Variants in MEG3 observed in about 807,000 individuals in gnomAD.
The protein encoded by MEG3 is maternally expressed 3.
upstream of MEG3, chr14:100,856,073 C>A (rs1189781129): frequency 1.3e-5 from 2 of 152,166 alleles, no homozygotes; most frequent in African/African-American, 4.8e-5. Flanking sequence ...CCATTCCTGC[C>A]CCTTTCAAGA....
At chr14:100,847,961 G>C (rs935537194) in intron 3 of MEG3, 1 of 152,190 alleles carries the variant, frequency 6.6e-6, no homozygotes, top group Non-Finnish European at 1.5e-5. Flanking sequence ...AGGAAGTAAT[G>C]AGTGAGACGT....
At chr14:100,832,117 A>AAG (rs2037412947), downstream of MEG3, 1 of 151,916 alleles carries the variant, frequency 6.6e-6, no homozygotes, top group Non-Finnish European at 1.5e-5. Flanking sequence ...TTAAAGACAA[A>AAG]AAAAAAGTAG....
At chr14:100,855,476 AG>A (rs2038211823), upstream of MEG3, 2 of 152,216 alleles carry the variant, frequency 1.3e-5, no homozygotes, top group Non-Finnish European at 2.9e-5. Context: ...ACTGTGACCC[AG>A]GGTCGGGGTC....
In MEG3 at chr14:100,852,125, C is replaced by T. The variant is rs574599457; in HGVS notation, n.3121+6592C>T. 2,120 of 333,468 alleles carry T rather than the reference C, an allele frequency of 6.4e-3. 15 individuals are homozygous for T. Among genetic ancestry groups the T allele is most frequent in the South Asian group, 0.01 (464 of 45,148 alleles). 20.7% of individuals were successfully genotyped at this position (333,468 alleles called of 1,614,324 possible). A position where few individuals can be genotyped will look rare whatever the true frequency, so the allele number is the denominator to read the frequency against. On this transcript the variant is annotated intron_variant and non_coding_transcript_variant, in intron 3 of 3. Coordinates refer to the MEG3 transcript ENST00000398461. ...GGGCCAGGCCATCTGGAGTGGGAGG[C>T]GTCATGCTCAGAGTGACTCTGTAGA...
intron 2 of MEG3, among the ~76,000 whole-genome samples, chr14:100,842,100 C>T (rs895254074): frequency 6.6e-6 from 1 of 152,178 alleles, no homozygotes. Context: ...ACAAAACCTC[C>T]GGCTGGGCCT....
chr14:100,853,599 G>C (rs1363736173), upstream of MEG3: 6 of 144,000 alleles, frequency 4.2e-5, no homozygotes, highest in Non-Finnish European at 7.6e-5. Context: ...TTTGTATCCT[G>C]CCTCTTCTAT....
At chr14:100,842,321 A>C (rs570432213) in intron 2 of MEG3, among the ~76,000 whole-genome samples, 1 of 152,218 alleles carries the variant, frequency 6.6e-6, no homozygotes, top group East Asian at 1.9e-4. Flanking sequence ...CTCCTGAAGC[A>C]AAGAGGTGAA....
exon 1 of MEG3, chr14:100,860,294 T>G: frequency 4.5e-6 from 1 of 223,924 alleles, no homozygotes. Context: ...AGAGACCGAG[T>G]TTTAGGAAAA....
downstream of MEG3, chr14:100,831,054 T>G (rs1378829209): frequency 6.5e-6 from 1 of 152,782 alleles, no homozygotes; most frequent in Admixed American, 6.5e-5. Flanking sequence ...CAGGCCCCAG[T>G]GAGATTCGAG....
At chr14:100,854,600 C>A (rs770393295), upstream of MEG3, 1 of 152,282 alleles carries the variant, frequency 6.6e-6, no homozygotes, top group Non-Finnish European at 1.5e-5. Flanking sequence ...TTGTGGACTC[C>A]GATCTTGCCC....
At chr14:100,842,491 C>T (rs992386793) in intron 2 of MEG3, among the ~76,000 whole-genome samples, 15 of 152,158 alleles carry the variant, frequency 9.9e-5, no homozygotes, top group African/African-American at 3.6e-4. Context: ...GGGCCCCGGC[C>T]TCACAAAGGT....
chr14:100,836,329 G>C (rs1345625958), intron 2 of MEG3: 2 of 455,584 alleles, frequency 4.4e-6, no homozygotes, highest in Admixed American at 4.7e-5. Context: ...TGAGACCCAG[G>C]ATTTTATTAG....
chr14:100,855,609 G>A (rs1051797367), upstream of MEG3: 3 of 152,266 alleles, frequency 2.0e-5, no homozygotes, highest in African/African-American at 4.8e-5. Context: ...TTCCTCCACA[G>A]GGTGGCAGTG....
In MEG3 at chr14:100,835,032, C is replaced by T. The variant is rs1046127243; in HGVS notation, n.2064C>T. 3.4e-5 allele frequency: 12 copies of T among 350,192 alleles called. No homozygotes were observed. In the Admixed American group the frequency reaches 3.7e-4, roughly 11 times the overall value. 21.7% of individuals were successfully genotyped at this position (350,192 alleles called of 1,614,324 possible). ...GCCCATCCCTTGATGGCCTCTGTGT[C>T]CCCAGGAGGGCGGGCCGGGGGGTTG... On this transcript the variant is annotated non_coding_transcript_exon_variant, in exon 1 of 4. Transcript: ENST00000398461.
chr14:100,846,394 C>T (rs912081407), intron 3 of MEG3: 1 of 152,154 alleles, frequency 6.6e-6, no homozygotes, highest in African/African-American at 2.4e-5. Flanking sequence ...GACGCGAGCC[C>T]CAGAAGGATC....
At chr14:100,829,250 C>T (rs1310514832), downstream of MEG3, 1 of 152,246 alleles carries the variant, frequency 6.6e-6, no homozygotes, top group Non-Finnish European at 1.5e-5. Context: ...GAGTACTTTC[C>T]TATAAGTCTT....
At chr14:100,831,257 T>C (rs2037388940), downstream of MEG3, 1 of 153,128 alleles carries the variant, frequency 6.5e-6, no homozygotes, top group African/African-American at 2.4e-5. Context: ...ATTGAACCCC[T>C]GTTCCCTGAG....
rs774402466 is a variant in MEG3 at position 100,845,871 on chromosome 14, C to T, written n.3121+338C>T. The T allele has an allele frequency of 9.6e-5, 17 of 177,194 alleles. No homozygotes were observed. The highest frequency in any genetic ancestry group is 1.9e-4 in the Non-Finnish European group (16 of 82,232). The allele number at this position is 177,194 out of a possible 1,614,324, so 11.0% of individuals were successfully genotyped here. On this transcript the variant is annotated intron_variant and non_coding_transcript_variant, in intron 3 of 3. Transcript: ENST00000398461. This position sits in a 1 kb window ranked among gnomAD's most constrained non-coding sequence, Gnocchi z 5.2. ...TTGAGTCTCCCTTTGGCTCTTGTGCCGCAGGGCAGACTAGGATGGAAGTGC... is the reference window on the plus strand; with the variant it reads ...TTGAGTCTCCCTTTGGCTCTTGTGCTGCAGGGCAGACTAGGATGGAAGTGC...
At chr14:100,834,497 A>C in exon 1 of MEG3, 1 of 321,010 alleles carries the variant, frequency 3.1e-6, no homozygotes, top group Non-Finnish European at 6.2e-6. Flanking sequence ...GCACCGGCAG[A>C]GGGGTCTCGT....
Sources: allele counts gnomAD v4.1 joint callset (sites outside exome capture counted in the v4.1 genomes callset), GRCh38; gene constraint gnomAD v4.1.1; non-coding constraint Gnocchi (gnomAD v3.1); transcripts MANE v1.5; gene names NCBI Gene and HGNC (gene_info 2026-07-23, HGNC 2026-07-21).